PCDHGA3: variants seen among roughly 807,000 people sequenced by gnomAD.
The protein encoded by PCDHGA3 is protocadherin gamma subfamily A, 3, also known as protocadherin gamma-A3.
Under a neutral mutation model 58.5 loss-of-function variants are expected in PCDHGA3, and 40 were observed. The observed-to-expected ratio is 0.68, with a 90% CI of 0.53 to 0.89. The LOEUF (loss-of-function observed/expected upper bound fraction) is 0.89. Ranked by LOEUF, PCDHGA3 falls within the 40% of genes least tolerant of loss-of-function variation. The pLI, the probability that PCDHGA3 is intolerant of heterozygous loss-of-function variation, is 0.00. For missense variants in PCDHGA3, 1,223 were observed against 1,195.9 expected (o/e 1.02, Z -0.33); for synonymous variants, 530 against 525.7 (o/e 1.01, Z -0.11).
At chr5:141,417,993 C>T (rs753867006) in intron 1 of PCDHGA3, 11 of 1,613,830 alleles carry the variant, frequency 6.8e-6, no homozygotes, top group Non-Finnish European at 7.6e-6. Flanking sequence ...GCCAAGGGCT[C>T]GGTGGTGGGG....
chr5:141,368,427 C>T (rs1228865676), intron 1 of PCDHGA3, among the ~76,000 whole-genome samples: 1 of 151,790 alleles, frequency 6.6e-6, no homozygotes, highest in Non-Finnish European at 1.5e-5. Context: ...ACATTCTGAC[C>T]AAAATGTAAA....
At chr5:141,356,529 G>A (rs1760245496) in intron 1 of PCDHGA3, 1 of 1,613,670 alleles carries the variant, frequency 6.2e-7, no homozygotes, top group Admixed American at 1.7e-5. Flanking sequence ...TGCAAGTGAT[G>A]GACATCAATG....
At chr5:141,372,253 GC>G in intron 1 of PCDHGA3, 1 of 1,613,158 alleles carries the variant, frequency 6.2e-7, no homozygotes, top group Non-Finnish European at 8.5e-7. Flanking sequence ...TTCAGCCTGG[GC>G]CTGCGCACGG....
intron 1 of PCDHGA3, chr5:141,410,816 A>G (rs2095424614): frequency 1.8e-6 from 1 of 550,516 alleles, no homozygotes; most frequent in African/African-American, 2.1e-5. Flanking sequence ...TTTGTAAAAT[A>G]ATGTCACCAG....
intron 1 of PCDHGA3, chr5:141,391,580 C>A (rs1392857666): frequency 3.3e-5 from 5 of 152,116 alleles, no homozygotes; most frequent in South Asian, 2.1e-4. Flanking sequence ...AATATATTCA[C>A]AGGAAAATAT....
intron 1 of PCDHGA3, among the ~76,000 whole-genome samples, chr5:141,483,160 T>C (rs1199191595): frequency 6.6e-6 from 1 of 152,176 alleles, no homozygotes; most frequent in Non-Finnish European, 1.5e-5. Flanking sequence ...AGTTAGATCC[T>C]GAGTTACCTT....
At chr5:141,356,340 C>G in intron 1 of PCDHGA3, 1 of 1,554,780 alleles carries the variant, frequency 6.4e-7, no homozygotes, top group Non-Finnish European at 8.7e-7. Flanking sequence ...GAGGAAATGG[C>G]CTAGTCACAT....
intron 1 of PCDHGA3, chr5:141,350,940 TCCGAGTTACGGATG>T: frequency 6.2e-7 from 1 of 1,614,094 alleles, no homozygotes; most frequent in Non-Finnish European, 8.5e-7. Context: ...CATATCTGGA[TCCGAGTTACGGATG>T]CCAATGATAA....
chr5:141,372,480 T>C (rs777083908), intron 1 of PCDHGA3: 5 of 1,613,930 alleles, frequency 3.1e-6, no homozygotes, highest in African/African-American at 2.7e-5. Flanking sequence ...AGTAGTGGCG[T>C]TGGCCTTGAT....
rs1301787934 is a variant in PCDHGA3 at position 141,476,164 on chromosome 5, A to G, written c.2425-18643A>G. Reference sequence around the variant, plus strand: ...GCGGACTGGTAAGCACCGGGAGGGTAGTGGGAGTTTTGCTTCTGCTTGGTG... The same window carrying G: ...GCGGACTGGTAAGCACCGGGAGGGTGGTGGGAGTTTTGCTTCTGCTTGGTG... On this transcript the variant is annotated intron_variant, in intron 1 of 3. Transcript: ENST00000253812. This position sits in a 1 kb window ranked among gnomAD's most constrained non-coding sequence, Gnocchi z 7.6. 6.2e-7 allele frequency: 1 copy of G among 1,613,116 alleles called. No individual in the cohort carries two copies.
chr5:141,404,952 G>A (rs2094589054), intron 1 of PCDHGA3: 3 of 1,614,030 alleles, frequency 1.9e-6, no homozygotes, highest in African/African-American at 1.3e-5. Flanking sequence ...ATAGCTGACA[G>A]CATCCCAGAC....
intron 1 of PCDHGA3, chr5:141,383,980 C>T: frequency 6.2e-7 from 1 of 1,613,696 alleles, no homozygotes; most frequent in Admixed American, 1.7e-5. Context: ...TGAAGACACA[C>T]CTCTTGGGAC....
intron 1 of PCDHGA3, among the ~76,000 whole-genome samples, chr5:141,444,315 G>A (rs2098431855): frequency 6.6e-6 from 1 of 151,946 alleles, no homozygotes; most frequent in South Asian, 2.1e-4. Flanking sequence ...AGGATTACAG[G>A]CATGTGCCAC....
intron 1 of PCDHGA3, chr5:141,371,519 T>C (rs1767815270): frequency 3.1e-6 from 5 of 1,613,838 alleles, no homozygotes; most frequent in Middle Eastern, 1.6e-4. Context: ...ATGATCTAGA[T>C]TCTGGATTTA....
At chr5:141,458,080 C>T (rs62379190) in intron 1 of PCDHGA3, among the ~76,000 whole-genome samples, 5,138 of 152,230 alleles carry the variant, frequency 0.034, 100 homozygotes, top group Middle Eastern at 0.088. Flanking sequence ...ACTATATTGC[C>T]GTAAGTTAAG....
chr5:141,353,363 G>T (rs912033510), intron 1 of PCDHGA3, among the ~76,000 whole-genome samples: 7 of 152,124 alleles, frequency 4.6e-5, no homozygotes, highest in African/African-American at 1.7e-4. Flanking sequence ...TTATGTAATT[G>T]ATGTAATTAT....
intron 1 of PCDHGA3, among the ~76,000 whole-genome samples, chr5:141,474,412 C>A (rs1282336092): frequency 6.6e-6 from 1 of 152,220 alleles, no homozygotes; most frequent in Non-Finnish European, 1.5e-5. Flanking sequence ...CCGGTGATGC[C>A]TAGACCATTG....
chr5:141,416,031 C>G (rs1301059596), intron 1 of PCDHGA3: 1 of 207,362 alleles, frequency 4.8e-6, no homozygotes, highest in Non-Finnish European at 9.4e-6. Context: ...AGAAAGAAAT[C>G]ACCTCTGGAA....
chr5:141,373,994 G>C lies in PCDHGA3; in HGVS notation c.2424+27537G>C, dbSNP rs1355942933. 8.0e-6 allele frequency: 10 copies of C among 1,243,924 alleles called. 1 individual carries two copies. Among genetic ancestry groups the C allele is most frequent in the African/African-American group, 3.0e-5 (2 of 65,694 alleles). The allele number at this position is 1,243,924 out of a possible 1,614,324, so 77.1% of individuals were successfully genotyped here. A position where few individuals can be genotyped will look rare whatever the true frequency, so the allele number is the denominator to read the frequency against. On this transcript the variant is annotated intron_variant, in intron 1 of 3. Transcript: ENST00000253812. ...CGCATCCGGTCTCTGCTTGTTGAAG[G>C]ACCTTCACCGCTATTTCTGAGAAGA...
Sources: allele counts gnomAD v4.1 joint callset (sites outside exome capture counted in the v4.1 genomes callset), GRCh38; gene constraint gnomAD v4.1.1; non-coding constraint Gnocchi (gnomAD v3.1); transcripts MANE v1.5; gene names NCBI Gene and HGNC (gene_info 2026-07-23, HGNC 2026-07-21).